Variants in OGG1 observed in about 807,000 individuals in gnomAD.
The protein encoded by OGG1 is 8-oxoguanine DNA glycosylase.
In OGG1, 35 loss-of-function variants were observed where a neutral mutation model predicts 42.3. That is an observed-to-expected ratio of 0.83 (90% CI 0.63 to 1.10). OGG1 has a LOEUF of 1.10. Among genes scored for constraint, OGG1 ranks in the 50% least tolerant of loss-of-function variants. The pLI is 0.00. For synonymous variants in OGG1, 189 were observed against 179.0 expected, an observed-to-expected ratio of 1.06 and a Z score of -0.44; for missense variants, 484 against 446.7, an observed-to-expected ratio of 1.08 and a Z score of -0.75.
At chr3:9,761,711 A>G, downstream of OGG1, 3 of 1,614,058 alleles carry the variant, frequency 1.9e-6, no homozygotes, top group South Asian at 1.1e-5. Flanking sequence ...GTCGGAGATC[A>G]TGATTTTGGA....
chr3:9,759,710 C>T (rs1559695096), downstream of OGG1: 2 of 1,614,194 alleles, frequency 1.2e-6, no homozygotes, highest in Admixed American at 1.7e-5. Context: ...TGAATCTTTT[C>T]TCTGGGTCCT....
downstream of OGG1, among the ~76,000 whole-genome samples, chr3:9,767,301 C>T (rs2078180537): frequency 6.6e-6 from 1 of 152,218 alleles, no homozygotes. Flanking sequence ...CTGGGATCAA[C>T]TTGAAGGGCA....
At chr3:9,762,865 A>C (rs2077951092) in intron 7 of OGG1, 1 of 1,591,916 alleles carries the variant, frequency 6.3e-7, no homozygotes, top group Non-Finnish European at 8.6e-7. Context: ...GGGTTTGCAA[A>C]GGCCCCACCC....
Position 9,749,996 on chromosome 3 carries a change from T to C in OGG1, c.-291T>C, listed in dbSNP as rs1002433908. ...CCTGGAGAACCCAGAAGAACACAGC[T>C]GTGCGCGCCCACAGGCTCTGGGGGC... On this transcript the variant is annotated 5_prime_UTR_variant, in exon 1 of 7. Transcript: ENST00000344629. The C allele has an allele frequency of 1.4e-5, 7 of 483,968 alleles. No individual in the cohort carries two copies. Among genetic ancestry groups the C allele is most frequent in the African/African-American group, 3.9e-5 (2 of 51,890 alleles). 30.0% of individuals were successfully genotyped at this position (483,968 alleles called of 1,614,324 possible).
chr3:9,774,421 A>G (rs1004902514), intron 2 of OGG1, among the ~76,000 whole-genome samples: 4 of 151,294 alleles, frequency 2.6e-5, no homozygotes, highest in Non-Finnish European at 4.4e-5. Context: ...AAAAAAAAAA[A>G]AAAAAAACAA....
intron 3 of OGG1, 39 bp downstream of exon 3, chr3:9,751,988 G>T: frequency 2.5e-6 from 4 of 1,589,916 alleles, no homozygotes; most frequent in Non-Finnish European, 3.5e-6. Context: ...CCTTCCATCA[G>T]CTTTCAAGAT....
downstream of OGG1, chr3:9,760,384 A>C (rs1314584945): frequency 8.1e-6 from 3 of 372,106 alleles, no homozygotes; most frequent in Non-Finnish European, 1.0e-5. Context: ...GTGGTGTTTT[A>C]GACATTAGGG....
chr3:9,750,192 A>G lies in OGG1; in HGVS notation c.-95A>G. ...ACAGCACCGTGTGGGCGAGGCCTTA[A>G]GGGTCGTGGTCCTTGTCTGGGCGGG... On this transcript the variant is annotated 5_prime_UTR_variant, in exon 1 of 7. Coordinates refer to ENST00000344629, the MANE Select transcript of OGG1 (RefSeq NM_002542.6). 1 of 1,482,466 alleles carries G rather than the reference A, an allele frequency of 6.7e-7. No individual in the cohort carries two copies. 91.8% of individuals were successfully genotyped at this position (1,482,466 alleles called of 1,614,324 possible).
At chr3:9,778,647 C>T (rs1201109218) in intron 2 of OGG1, among the ~76,000 whole-genome samples, 1 of 152,148 alleles carries the variant, frequency 6.6e-6, no homozygotes, top group Non-Finnish European at 1.5e-5. Flanking sequence ...TAGTCTATGG[C>T]TTATGGTCCA....
intron 3 of OGG1, among the ~76,000 whole-genome samples, chr3:9,785,923 C>A (rs1331037069): frequency 6.6e-6 from 1 of 151,158 alleles, no homozygotes; most frequent in Non-Finnish European, 1.5e-5. Flanking sequence ...CCTTCACACA[C>A]TCCTCCTTGT....
chr3:9,752,834 T>G (rs981888545), intron 3 of OGG1, among the ~76,000 whole-genome samples: 1 of 151,956 alleles, frequency 6.6e-6, no homozygotes, highest in African/African-American at 2.4e-5. Context: ...GCAGATCATC[T>G]GAGGTCAGGA....
chr3:9,773,537 C>T (rs1046705224), intron 2 of OGG1, among the ~76,000 whole-genome samples: 41 of 151,748 alleles, frequency 2.7e-4, no homozygotes, highest in African/African-American at 8.7e-4. Context: ...AGCGAGACTC[C>T]GTCTCAAAAA....
chr3:9,752,280 T>C (rs2077338565), intron 3 of OGG1, among the ~76,000 whole-genome samples: 1 of 152,172 alleles, frequency 6.6e-6, no homozygotes, highest in Admixed American at 6.5e-5. Context: ...CTTGGGCACA[T>C]TATTTAGCAT....
chr3:9,787,190 G>A, intron 3 of OGG1: 1 of 1,614,158 alleles, frequency 6.2e-7, no homozygotes, highest in Non-Finnish European at 8.5e-7. Context: ...AGGGAGGTGA[G>A]AGGCCTACCT....
At chr3:9,760,428 A>G (rs1041577816), downstream of OGG1, 21 of 477,560 alleles carry the variant, frequency 4.4e-5, no homozygotes, top group African/African-American at 1.6e-4. Context: ...CAAATAGACT[A>G]TGTTTGAAGA....
chr3:9,758,936 G>A (rs2077716321), downstream of OGG1: 1 of 458,990 alleles, frequency 2.2e-6, no homozygotes, highest in Non-Finnish European at 4.0e-6. Context: ...GGCCCTGAGA[G>A]CCCTTTCTAT....
downstream of OGG1, among the ~76,000 whole-genome samples, chr3:9,769,606 C>T (rs2078254148): frequency 6.6e-6 from 1 of 152,204 alleles, no homozygotes; most frequent in Non-Finnish European, 1.5e-5. Context: ...TGAAGGCGCT[C>T]ACACAGGCCC....
At chr3:9,785,921 C>T (rs2078596635) in intron 3 of OGG1, among the ~76,000 whole-genome samples, 1 of 151,506 alleles carries the variant, frequency 6.6e-6, no homozygotes, top group African/African-American at 2.4e-5. Context: ...TTCCTTCACA[C>T]ACTCCTCCTT....
chr3:9,750,155 G>T lies in OGG1; in HGVS notation c.-132G>T. ...AGGTGGAGGAATTAAGTGAAACAGG[G>T]AAGGTTGTTAAACAGCACCGTGTGG... On this transcript the variant is annotated 5_prime_UTR_variant, in exon 1 of 7. Coordinates refer to ENST00000344629, the MANE Select transcript of OGG1 (RefSeq NM_002542.6). The T allele has an allele frequency of 8.6e-7, 1 of 1,163,242 alleles. No individual in the cohort carries two copies. Among genetic ancestry groups the T allele is most frequent in the Non-Finnish European group, 1.2e-6 (1 of 828,302 alleles). The allele number at this position is 1,163,242 out of a possible 1,614,324, so 72.1% of individuals were successfully genotyped here.
Sources: gnomAD v4.1 joint callset for allele counts (sites outside exome capture counted in the v4.1 genomes callset) on GRCh38, gnomAD v4.1.1 for gene constraint, MANE v1.5 for transcripts, NCBI Gene and HGNC (gene_info 2026-07-23, HGNC 2026-07-21) for gene names.